The following NF1 variants were observed in gnomAD, a reference collection of about 807,000 sequenced individuals.
NF1 encodes the protein neurofibromin.
NF1 carries 122 observed loss-of-function variants against 325.7 expected under a neutral mutation model. That is an observed-to-expected ratio of 0.37 (90% CI 0.32 to 0.44). The LOEUF is 0.44. Among genes scored for constraint, NF1 ranks in the 20% least tolerant of loss-of-function variants. The pLI is 1.00. For synonymous variants in NF1, 1,091 were observed against 1,186.0 expected (o/e 0.92, Z 1.65); for missense variants, 2,140 against 3,415.4 (o/e 0.63, Z 9.31).
intron 35 of NF1, among the ~76,000 whole-genome samples, chr17:31,264,754 A>G (rs1271383352): frequency 6.6e-6 from 1 of 152,218 alleles, no homozygotes; most frequent in African/African-American, 2.4e-5. Context: ...TAAAGCTGGT[A>G]TTCAGAATCG....
At chr17:31,366,021 G>A (rs188199128) in intron 57 of NF1, among the ~76,000 whole-genome samples, 1,970 of 146,180 alleles carry the variant, frequency 0.013, 47 homozygotes, top group African/African-American at 0.047. Context: ...TGCAACCTCC[G>A]CCTCCCAGGT....
At chr17:31,185,509 C>A (rs2066222630) in intron 8 of NF1, among the ~76,000 whole-genome samples, 3 of 152,104 alleles carry the variant, frequency 2.0e-5, no homozygotes, top group Admixed American at 2.0e-4. Flanking sequence ...AACTTAGGGA[C>A]CTTCTACCTC....
At chr17:31,256,542 A>C (rs2067586512) in intron 31 of NF1, among the ~76,000 whole-genome samples, 1 of 152,196 alleles carries the variant, frequency 6.6e-6, no homozygotes, top group Non-Finnish European at 1.5e-5. Flanking sequence ...TGTGTGTGTG[A>C]ATGCATACAT....
intron 1 of NF1, among the ~76,000 whole-genome samples, chr17:31,106,761 G>A (rs990795783): frequency 6.6e-6 from 1 of 152,140 alleles, no homozygotes; most frequent in African/African-American, 2.4e-5. Flanking sequence ...TTCTTCAGCT[G>A]TTAGAAGTTG....
In NF1 at chr17:31,336,607, T is replaced by TTTA. The variant is rs553817239; in HGVS notation, c.6148-28_6148-27insTTA. 8.2e-6 allele frequency: 12 copies of TTTA among 1,456,812 alleles called. No individual in the cohort carries two copies. In the Admixed American group the frequency reaches 9.1e-5, roughly 11 times the overall value. 90.2% of individuals were successfully genotyped at this position (1,456,812 alleles called of 1,614,324 possible). ...ACTTTGAGTCCCATGTTTTTTTTTTTAAAAAAAAAAATCCTGCTTCTTTAC... is the reference window on the plus strand; with the variant it reads ...ACTTTGAGTCCCATGTTTTTTTTTTTTTAAAAAAAAAAAATCCTGCTTCTTTAC... On this transcript the variant is annotated intron_variant, in intron 41 of 57. Transcript: ENST00000358273. The surrounding 1 kb of genome is among the most constrained non-coding windows in gnomAD (Gnocchi z 5.5).
chr17:31,322,100 C>T (rs953802984), intron 36 of NF1, among the ~76,000 whole-genome samples: 9 of 48,704 alleles, frequency 1.8e-4, no homozygotes, highest in African/African-American at 3.2e-4. Context: ...TGTATACACA[C>T]ACACACACAC....
intron 36 of NF1, chr17:31,296,157 G>A (rs2068459871): frequency 6.2e-7 from 1 of 1,611,902 alleles, no homozygotes; most frequent in Non-Finnish European, 8.5e-7. Context: ...AGGTTTAAAT[G>A]TATAATATTC....
At chr17:31,300,862 T>A (rs2068559085) in intron 36 of NF1, among the ~76,000 whole-genome samples, 1 of 152,122 alleles carries the variant, frequency 6.6e-6, no homozygotes, top group Non-Finnish European at 1.5e-5. Flanking sequence ...AGTATCTCCA[T>A]CTAATTTTAA....
chr17:31,192,962 T>A (rs2066372487), intron 8 of NF1, among the ~76,000 whole-genome samples: 1 of 152,194 alleles, frequency 6.6e-6, no homozygotes, highest in Non-Finnish European at 1.5e-5. Flanking sequence ...TAAGTAATAC[T>A]TCCATAAATT....
rs543486199 is a variant in NF1, at chr17:31,358,840, C to A, written c.8114-129C>A. 19 of 1,071,942 alleles carry A rather than the reference C, an allele frequency of 1.8e-5. No homozygotes were observed. The South Asian group carries it at 2.2e-4, about 12-fold the overall frequency. 66.4% of individuals were successfully genotyped at this position (1,071,942 alleles called of 1,614,324 possible). On this transcript the variant is annotated intron_variant, in intron 55 of 57. Transcript: ENST00000358273. ...TAAGTAGGTTTTAGTTGCTTTGACA[C>A]TCATTCTAAAAACATGTTTTCAACA...
intron 8 of NF1, among the ~76,000 whole-genome samples, chr17:31,197,335 C>T (rs572986202): frequency 2.2e-3 from 316 of 145,686 alleles, no homozygotes; most frequent in Non-Finnish European, 3.2e-3. Flanking sequence ...CGTGAGCCAC[C>T]GCGCCTGGCT....
intron 36 of NF1, among the ~76,000 whole-genome samples, chr17:31,282,073 A>T (rs1286045022): frequency 6.6e-6 from 1 of 151,952 alleles, no homozygotes; most frequent in Non-Finnish European, 1.5e-5. Flanking sequence ...AAAAAAAAAA[A>T]AATCTTTTTT....
intron 1 of NF1, among the ~76,000 whole-genome samples, chr17:31,098,398 A>G (rs932693599): frequency 1.3e-5 from 2 of 151,850 alleles, no homozygotes; most frequent in Non-Finnish European, 2.9e-5. Flanking sequence ...GAGTTTCATG[A>G]TTCTTGCCTA....
rs2151429805 is a variant in NF1 at position 31,229,451 on chromosome 17, G to T, written c.2836G>T (p.Asp946Tyr). The T allele has an allele frequency of 1.2e-6, 2 of 1,613,680 alleles. No homozygotes were observed. The highest frequency in any genetic ancestry group is 2.2e-5 in the South Asian group (2 of 91,028). Reference sequence around the variant, plus strand: ...GAAGAATACCATCAGCAAGTTTTTTGACTCCCAAGGACAGGTAAAGTGTTC... The same window carrying T: ...GAAGAATACCATCAGCAAGTTTTTTTACTCCCAAGGACAGGTAAAGTGTTC... ...KLKNTISKFF[D>Y]SQGQVLLTDT... is the part of the protein sequence containing the mutation. The change falls in exon 21 of 58, where the codon GAC (aspartate) becomes TAC (tyrosine). Residue 946 changes from aspartate to tyrosine, a missense_variant. Around this residue, in one of 10 missense-constraint regions of NF1, gnomAD observed 380 missense variants for 639.3 expected, o/e 0.59. Coordinates refer to ENST00000358273, the MANE Select transcript of NF1 (RefSeq NM_001042492.3).
chr17:31,221,233 T>C (rs2066916066), intron 14 of NF1, among the ~76,000 whole-genome samples: 1 of 152,080 alleles, frequency 6.6e-6, no homozygotes, highest in African/African-American at 2.4e-5. Context: ...ATATGTTATA[T>C]ATTGTAAATG....
intron 5 of NF1, among the ~76,000 whole-genome samples, chr17:31,174,480 A>C (rs530224938): frequency 6.6e-6 from 1 of 152,198 alleles, no homozygotes; most frequent in Non-Finnish European, 1.5e-5. Context: ...TTAAATAAGC[A>C]GTGATGTGGG....
At chr17:31,290,735 G>A (rs2068328345) in intron 36 of NF1, among the ~76,000 whole-genome samples, 1 of 152,158 alleles carries the variant, frequency 6.6e-6, no homozygotes, top group Admixed American at 6.5e-5. Flanking sequence ...GCCGGGCACG[G>A]TGGCTCACGC....
At chr17:31,209,332 C>T (rs2066681455) in intron 12 of NF1, among the ~76,000 whole-genome samples, 1 of 152,176 alleles carries the variant, frequency 6.6e-6, no homozygotes, top group Non-Finnish European at 1.5e-5. Flanking sequence ...AGTTCTGTTG[C>T]AAAACAGTAA....
chr17:31,289,389 A>G (rs565183080), intron 36 of NF1, among the ~76,000 whole-genome samples: 1 of 152,300 alleles, frequency 6.6e-6, no homozygotes, highest in South Asian at 2.1e-4. Context: ...TACACAGTTC[A>G]TCTTGTGTCT....
Sources: allele counts gnomAD v4.1 joint callset (sites outside exome capture counted in the v4.1 genomes callset), GRCh38; gene constraint gnomAD v4.1.1; regional missense constraint gnomAD v4.1.1; non-coding constraint Gnocchi (gnomAD v3.1); transcripts MANE v1.5; gene names NCBI Gene and HGNC (gene_info 2026-07-23, HGNC 2026-07-21).